The following CCSER1 variants were observed in gnomAD, a reference collection of about 807,000 sequenced individuals.
The protein encoded by CCSER1 is serine-rich coiled-coil domain-containing protein 1.
In CCSER1, 41 loss-of-function variants were observed where a neutral mutation model predicts 82.0. The observed-to-expected ratio is 0.50, with a 90% CI of 0.39 to 0.65. The LOEUF is 0.65. CCSER1 is among the 30% of genes least tolerant of loss of function. The pLI is 0.00. For synonymous variants in CCSER1, 414 were observed against 383.9 expected, an observed-to-expected ratio of 1.08 and a Z score of -0.92; for missense variants, 1,119 against 1,064.2, an observed-to-expected ratio of 1.05 and a Z score of -0.72.
chr4:91,426,994 A>G (rs1179368936), intron 10 of CCSER1, among the ~76,000 whole-genome samples: 1 of 152,178 alleles, frequency 6.6e-6, no homozygotes, highest in East Asian at 1.9e-4. Context: ...AGGGCACAGT[A>G]TAGTAAGGTG....
At chr4:90,294,777 A>C (rs1407802446) in intron 1 of CCSER1, among the ~76,000 whole-genome samples, 1 of 152,026 alleles carries the variant, frequency 6.6e-6, no homozygotes, top group African/African-American at 2.4e-5. Context: ...GTCCCCGTTG[A>C]CGACAACCTC....
At chr4:90,982,553 T>C (rs113784281) in intron 9 of CCSER1, among the ~76,000 whole-genome samples, 1 of 151,578 alleles carries the variant, frequency 6.6e-6, no homozygotes, top group African/African-American at 2.4e-5. Flanking sequence ...GAATGCTAGA[T>C]GAGATCCAAT....
At chr4:90,839,107 C>A in intron 8 of CCSER1, 7 of 1,105,800 alleles carry the variant, frequency 6.3e-6, no homozygotes, top group African/African-American at 1.6e-5. Flanking sequence ...TGGCCACCAC[C>A]GAGTTGTCGC....
At chr4:91,064,446 T>C (rs1033953263) in intron 9 of CCSER1, among the ~76,000 whole-genome samples, 6 of 152,202 alleles carry the variant, frequency 3.9e-5, no homozygotes, top group Non-Finnish European at 8.8e-5. Flanking sequence ...GAAAACCCTT[T>C]CTCTCAGGAG....
chr4:91,079,443 AC>A (rs1413434479), intron 9 of CCSER1, among the ~76,000 whole-genome samples: 6 of 152,326 alleles, frequency 3.9e-5, no homozygotes, highest in Non-Finnish European at 7.3e-5. Flanking sequence ...ATAGAAAGGA[AC>A]ATCTGGTACC....
At chr4:91,330,287 G>A (rs1193338698) in intron 10 of CCSER1, among the ~76,000 whole-genome samples, 1 of 152,062 alleles carries the variant, frequency 6.6e-6, no homozygotes, top group African/African-American at 2.4e-5. Flanking sequence ...AGAAAAATGG[G>A]ATGGAAATTA....
chr4:91,395,979 G>C (rs1751954421), intron 10 of CCSER1, among the ~76,000 whole-genome samples: 1 of 152,066 alleles, frequency 6.6e-6, no homozygotes, highest in African/African-American at 2.4e-5. Flanking sequence ...ATGTTTGCCT[G>C]GCTCCTGCCA....
chr4:91,304,007 G>A (rs558914077), intron 10 of CCSER1, among the ~76,000 whole-genome samples: 1 of 151,932 alleles, frequency 6.6e-6, no homozygotes, highest in African/African-American at 2.4e-5. Flanking sequence ...AGCCTTAAGG[G>A]AAAGAAAAAA....
At chr4:90,884,639 C>T (rs1342606278) in intron 8 of CCSER1, among the ~76,000 whole-genome samples, 1 of 151,942 alleles carries the variant, frequency 6.6e-6, no homozygotes, top group Non-Finnish European at 1.5e-5. Flanking sequence ...GACAAACCTG[C>T]TTAGTGAGTC....
intron 10 of CCSER1, among the ~76,000 whole-genome samples, chr4:91,529,614 GCTTTTT>G (rs1760925305): frequency 6.6e-6 from 1 of 151,994 alleles, no homozygotes; most frequent in East Asian, 1.9e-4. Flanking sequence ...AAATCAAGTT[GCTTTTT>G]CTTTTTCCTT....
intron 4 of CCSER1, among the ~76,000 whole-genome samples, chr4:90,435,992 G>A (rs1307176497): frequency 6.6e-6 from 1 of 151,546 alleles, no homozygotes; most frequent in African/African-American, 2.4e-5. Context: ...TCATTTAAAT[G>A]GCGTATAATG....
At chr4:90,613,498 C>G (rs2148834120) in intron 5 of CCSER1, among the ~76,000 whole-genome samples, 1 of 152,278 alleles carries the variant, frequency 6.6e-6, no homozygotes, top group South Asian at 2.1e-4. Flanking sequence ...TATAAATCAG[C>G]TACTATGGTT....
chr4:91,437,616 CAGACAGTGGGCGCA>C (rs1754752708), intron 10 of CCSER1, among the ~76,000 whole-genome samples: 1 of 152,190 alleles, frequency 6.6e-6, no homozygotes, highest in South Asian at 2.1e-4. Context: ...TAGGGAGTGC[CAGACAGTGGGCGCA>C]GGACAGTGGG....
At chr4:91,136,297 C>A (rs1728465585) in intron 10 of CCSER1, among the ~76,000 whole-genome samples, 1 of 152,182 alleles carries the variant, frequency 6.6e-6, no homozygotes. Flanking sequence ...CCTTCCTCAT[C>A]CTCATCCTAC....
At chr4:91,321,093 A>G (rs1428847287) in intron 10 of CCSER1, among the ~76,000 whole-genome samples, 1 of 152,086 alleles carries the variant, frequency 6.6e-6, no homozygotes, top group Non-Finnish European at 1.5e-5. Context: ...GCCCCAGGGA[A>G]GTTAATTAAT....
At chr4:90,471,977 C>CA (rs370562546) in intron 5 of CCSER1, among the ~76,000 whole-genome samples, 2,739 of 139,734 alleles carry the variant, frequency 0.02, 51 homozygotes, top group African/African-American at 0.056. Context: ...AACGCCATCT[C>CA]AAAAAAAAAA....
intron 10 of CCSER1, among the ~76,000 whole-genome samples, chr4:91,340,523 T>G (rs957463356): frequency 2.6e-5 from 4 of 152,306 alleles, no homozygotes; most frequent in Middle Eastern, 3.4e-3. Context: ...ATGGGCTTTT[T>G]TGTTAAGTAA....
chr4:90,201,775 G>C (rs1220931702), intron 1 of CCSER1, among the ~76,000 whole-genome samples: 1 of 152,034 alleles, frequency 6.6e-6, no homozygotes, highest in African/African-American at 2.4e-5. Flanking sequence ...TGCAACACTT[G>C]TTCTGGGTCA....
chr4:90,810,178 TC>T (rs1288999584), intron 7 of CCSER1, among the ~76,000 whole-genome samples: 1 of 152,138 alleles, frequency 6.6e-6, no homozygotes, highest in African/African-American at 2.4e-5. Flanking sequence ...CCCAAGCTAG[TC>T]TTGAAGTCCT....
Sources: gnomAD v4.1 joint callset for allele counts (sites outside exome capture counted in the v4.1 genomes callset) on GRCh38, gnomAD v4.1.1 for gene constraint, MANE v1.5 for transcripts, NCBI Gene and HGNC (gene_info 2026-07-23, HGNC 2026-07-21) for gene names.